CDK19: variants seen among roughly 807,000 people sequenced by gnomAD.
CDK19 encodes the protein cyclin-dependent kinase 19.
Under a neutral mutation model 68.3 loss-of-function variants are expected in CDK19, and 20 were observed. That is an observed-to-expected ratio of 0.29 (90% CI 0.21 to 0.43). The LOEUF (loss-of-function observed/expected upper bound fraction) is 0.43, where lower values mean the gene tolerates loss of function less well. Among genes scored for constraint, CDK19 ranks in the 20% least tolerant of loss-of-function variants. The probability of loss-of-function intolerance (pLI) is 1.00; values close to 1 mark genes in which losing one functional copy is unlikely to be tolerated. For missense variants in CDK19, 339 were observed against 623.5 expected, an observed-to-expected ratio of 0.54 and a Z score of 4.86; for synonymous variants, 221 against 222.8, an observed-to-expected ratio of 0.99 and a Z score of 0.07.
At chr6:110,708,088 A>G (rs532892149) in intron 2 of CDK19, among the ~76,000 whole-genome samples, 22 of 152,312 alleles carry the variant, frequency 1.4e-4, no homozygotes, top group Non-Finnish European at 2.5e-4. Flanking sequence ...CTTAAGATAA[A>G]AATACCCAAA....
At chr6:110,763,669 A>C (rs568636204) in intron 1 of CDK19, among the ~76,000 whole-genome samples, 16 of 151,870 alleles carry the variant, frequency 1.1e-4, no homozygotes, top group East Asian at 9.7e-4. Flanking sequence ...CCCGCCTCGG[A>C]CTCCCAAAGT....
intron 1 of CDK19, among the ~76,000 whole-genome samples, chr6:110,788,696 G>T (rs1781401462): frequency 6.6e-6 from 1 of 151,932 alleles, no homozygotes; most frequent in Admixed American, 6.6e-5. Context: ...AAAGTGCAAG[G>T]TTTTTACACC....
chr6:110,804,295 T>A (rs574192901), intron 1 of CDK19, among the ~76,000 whole-genome samples: 40 of 152,122 alleles, frequency 2.6e-4, no homozygotes, highest in Admixed American at 5.9e-4. Flanking sequence ...ATAAGAAGAG[T>A]GTATTTTTCC....
intron 4 of CDK19, among the ~76,000 whole-genome samples, chr6:110,661,958 A>G (rs1250644869): frequency 1.4e-5 from 2 of 146,882 alleles, no homozygotes; most frequent in African/African-American, 2.6e-5. Flanking sequence ...CATTTTATTT[A>G]TTTATTTGTA....
At chr6:110,615,527 C>T (rs1778259128) in intron 12 of CDK19, among the ~76,000 whole-genome samples, 1 of 152,166 alleles carries the variant, frequency 6.6e-6, no homozygotes, top group Non-Finnish European at 1.5e-5. Context: ...TTTGAAACTT[C>T]CTTAGCAAAA....
At position 110,705,976 on chromosome 6, in the gene CDK19, T is replaced by A. The variant is rs202066858; in HGVS notation, c.205-35435A>T. Among the ~76,000 whole-genome samples the A allele has an allele frequency of 2.0e-5, 3 of 152,214 alleles. No homozygotes were observed. In the East Asian group the frequency reaches 5.8e-4, roughly 29 times the overall value. ...TAAACCTGCACGTTCTACACATGTA[T>A]CCCAGAACTTAAAGTATAATAAAAA... On this transcript the variant is annotated intron_variant, in intron 2 of 12. Transcript: ENST00000368911.
At position 110,680,146 on chromosome 6, in the gene CDK19, T is replaced by C. The variant is rs760089027; in HGVS notation, c.205-9605A>G. ...AAGCCTCCACAAGCTCCATTTACTT[T>C]AGGCTTAAAAAGGAAGACTTCTTTA... On this transcript the variant is annotated intron_variant, in intron 2 of 12. Coordinates refer to ENST00000368911, the MANE Select transcript of CDK19 (RefSeq NM_015076.5). Among the ~76,000 whole-genome samples, 6 of 152,250 alleles carry C rather than the reference T, an allele frequency of 3.9e-5. No homozygotes were observed. In the East Asian group the frequency reaches 9.6e-4, roughly 24 times the overall value.
At chr6:110,705,201 C>T (rs1391960857) in intron 2 of CDK19, among the ~76,000 whole-genome samples, 2 of 152,008 alleles carry the variant, frequency 1.3e-5, no homozygotes, top group African/African-American at 2.4e-5. Context: ...CCACCACGCC[C>T]GGCTAATTTT....
chr6:110,653,583 T>C (rs1050306580), intron 4 of CDK19, among the ~76,000 whole-genome samples: 4 of 152,158 alleles, frequency 2.6e-5, no homozygotes, highest in Admixed American at 6.5e-5. Context: ...ATAGAAACAG[T>C]AGAAATGGCA....
At chr6:110,745,735 G>A (rs1481643432) in intron 2 of CDK19, among the ~76,000 whole-genome samples, 4 of 152,164 alleles carry the variant, frequency 2.6e-5, no homozygotes, top group South Asian at 4.1e-4. Flanking sequence ...GGGAGGCCAC[G>A]GAGAGAGGAT....
chr6:110,677,777 C>A (rs565887471), intron 2 of CDK19, among the ~76,000 whole-genome samples: 43 of 152,210 alleles, frequency 2.8e-4, no homozygotes, highest in African/African-American at 9.1e-4. Flanking sequence ...AATGTTTTAA[C>A]TGTTTGCATC....
At chr6:110,658,511 G>A (rs1224794807) in intron 4 of CDK19, among the ~76,000 whole-genome samples, 1 of 152,162 alleles carries the variant, frequency 6.6e-6, no homozygotes, top group Non-Finnish European at 1.5e-5. Context: ...CATTTGACTA[G>A]CATGGAATTG....
intron 1 of CDK19, among the ~76,000 whole-genome samples, chr6:110,783,064 T>C: frequency 6.6e-6 from 1 of 152,192 alleles, no homozygotes; most frequent in East Asian, 1.9e-4. Flanking sequence ...CCCACCATTA[T>C]ACCAACATAC....
chr6:110,764,754 C>T (rs1176190174), intron 1 of CDK19, among the ~76,000 whole-genome samples: 1 of 151,930 alleles, frequency 6.6e-6, no homozygotes, highest in Non-Finnish European at 1.5e-5. Context: ...AGTTCAAGAC[C>T]ACCCTGGCCA....
chr6:110,614,413 T>G lies in CDK19; in HGVS notation c.*122A>C. On this transcript the variant is annotated 3_prime_UTR_variant, in exon 13 of 13. Coordinates refer to ENST00000368911, the MANE Select transcript of CDK19 (RefSeq NM_015076.5). The stretch of plus-strand genomic sequence containing the variant: ...GCACAATGCTCAGTATATAAGGTTT[T>G]CCTCCCATGTGTATGAGTTTTAAAT... The G allele has an allele frequency of 1.2e-6, 1 of 831,636 alleles. No individual in the cohort carries two copies. Among genetic ancestry groups the G allele is most frequent in the Non-Finnish European group, 1.9e-6 (1 of 536,932 alleles). The allele number at this position is 831,636 out of a possible 1,614,324, so 51.5% of individuals were successfully genotyped here.
intron 2 of CDK19, among the ~76,000 whole-genome samples, chr6:110,691,506 G>A (rs1772986098): frequency 6.6e-6 from 1 of 151,822 alleles, no homozygotes. Context: ...TAGGCCAGGT[G>A]CAGTGGCTTA....
chr6:110,713,352 G>GA (rs1242329061), intron 2 of CDK19, among the ~76,000 whole-genome samples: 1 of 149,854 alleles, frequency 6.7e-6, no homozygotes, highest in Non-Finnish European at 1.5e-5. Context: ...CAATGGCGTG[G>GA]ACCCGGGAGG....
At chr6:110,805,102 C>T (rs777055071) in intron 1 of CDK19, among the ~76,000 whole-genome samples, 2 of 152,154 alleles carry the variant, frequency 1.3e-5, no homozygotes, top group Non-Finnish European at 2.9e-5. Flanking sequence ...TGTCTTCTCT[C>T]GTGAGACTCT....
intron 1 of CDK19, among the ~76,000 whole-genome samples, chr6:110,799,221 T>C (rs1275295444): frequency 3.7e-5 from 4 of 107,894 alleles, no homozygotes; most frequent in Non-Finnish European, 6.0e-5. Flanking sequence ...AAACCACACA[T>C]AGAATACAAA....
Sources: gnomAD v4.1 joint callset for allele counts (sites outside exome capture counted in the v4.1 genomes callset) on GRCh38, gnomAD v4.1.1 for gene constraint, MANE v1.5 for transcripts, NCBI Gene and HGNC (gene_info 2026-07-23, HGNC 2026-07-21) for gene names.